The following TENM2 variants were observed in gnomAD, a reference collection of about 807,000 sequenced individuals.
The protein encoded by TENM2 is teneurin transmembrane protein 2.
TENM2 carries 52 observed loss-of-function variants against 245.2 expected under a neutral mutation model. The observed-to-expected ratio is 0.21, with a 90% CI of 0.17 to 0.27. The LOEUF (loss-of-function observed/expected upper bound fraction) is 0.27. Among genes scored for constraint, TENM2 ranks in the 10% least tolerant of loss-of-function variants. TENM2 has a pLI of 1.00. For missense variants in TENM2, 3,046 were observed against 3,666.8 expected (o/e 0.83, Z 4.37); for synonymous variants, 1,363 against 1,438.9 (o/e 0.95, Z 1.19).
chr5:167,857,753 A>C (rs1771224721), intron 2 of TENM2, among the ~76,000 whole-genome samples: 2 of 152,278 alleles, frequency 1.3e-5, no homozygotes, highest in Admixed American at 6.5e-5. Context: ...TACTGCATTA[A>C]AATTATAGAT....
At chr5:167,009,620 G>T in the TENM2 span, among the ~76,000 whole-genome samples, 1 of 152,106 alleles carries the variant, frequency 6.6e-6, no homozygotes, top group African/African-American at 2.4e-5. Flanking sequence ...ATTCCTCAAA[G>T]CTTCTTTGGC....
At chr5:167,817,742 A>G (rs769295561) in intron 2 of TENM2, among the ~76,000 whole-genome samples, 1 of 152,232 alleles carries the variant, frequency 6.6e-6, no homozygotes, top group Non-Finnish European at 1.5e-5. Flanking sequence ...TTTGTCGGAT[A>G]GTGAGATGAA....
At chr5:167,874,350 C>A (rs56221163) in intron 2 of TENM2, among the ~76,000 whole-genome samples, 9,272 of 152,146 alleles carry the variant, frequency 0.061, 395 homozygotes, top group Non-Finnish European at 0.091. Flanking sequence ...CAAATGAACC[C>A]ATAAATAGCA....
chr5:168,216,889 G>T, exon 22 of TENM2: 1 of 1,613,938 alleles, frequency 6.2e-7, no homozygotes, highest in Non-Finnish European at 8.5e-7. Flanking sequence ...CCGTCCGGCC[G>T]CTGAGCTGTG....
chr5:167,480,215 C>T (rs1485913114), intron 2 of TENM2, among the ~76,000 whole-genome samples: 2 of 152,182 alleles, frequency 1.3e-5, no homozygotes, highest in Non-Finnish European at 2.9e-5. Flanking sequence ...CCTGGCACCC[C>T]TCTTAACTGA....
chr5:167,023,644 T>G, the TENM2 span, among the ~76,000 whole-genome samples: 1 of 152,238 alleles, frequency 6.6e-6, no homozygotes, highest in Non-Finnish European at 1.5e-5. Context: ...AATCAGTCAA[T>G]GAATTAAAAT....
At chr5:167,007,621 A>G in the TENM2 span, among the ~76,000 whole-genome samples, 1 of 152,196 alleles carries the variant, frequency 6.6e-6, no homozygotes, top group Non-Finnish European at 1.5e-5. The surrounding 1 kb of genome is among the most constrained non-coding windows in gnomAD (Gnocchi z 4.2). Context: ...ATAATTAAAT[A>G]AAGCTTCTCC....
At chr5:167,730,283 A>C (rs756653561) in intron 2 of TENM2, among the ~76,000 whole-genome samples, 3 of 152,182 alleles carry the variant, frequency 2.0e-5, no homozygotes, top group Non-Finnish European at 4.4e-5. Context: ...AGGTCAGTTG[A>C]GGATGTTGGG....
At chr5:167,834,416 A>C (rs1012440989) in intron 2 of TENM2, among the ~76,000 whole-genome samples, 1 of 152,196 alleles carries the variant, frequency 6.6e-6, no homozygotes, top group African/African-American at 2.4e-5. Flanking sequence ...GACTATTTCA[A>C]AGCAAGCTTA....
At chr5:168,006,993 C>T (rs188849727) in intron 5 of TENM2, among the ~76,000 whole-genome samples, 1 of 152,302 alleles carries the variant, frequency 6.6e-6, no homozygotes, top group Admixed American at 6.5e-5. Context: ...CTCTGCTCAT[C>T]AACAGGCCCA....
chr5:167,160,759 C>T, the TENM2 span, among the ~76,000 whole-genome samples: 10 of 152,284 alleles, frequency 6.6e-5, no homozygotes, highest in East Asian at 1.9e-3. Flanking sequence ...TCTACCTGAC[C>T]CTGAATTACC....
rs1757560378 is a variant in TENM2 at position 167,693,460 on chromosome 5, G to A, written c.503-182526G>A. ...AGATGCATTGGGTTTCCAGAAGAAT[G>A]TTGAACTTGATTCAATTTTAGCTTG... On this transcript the variant is annotated intron_variant, in intron 2 of 28. Transcript: ENST00000518659. Among the ~76,000 whole-genome samples, 3 of 152,134 alleles carry A rather than the reference G, an allele frequency of 2.0e-5. No homozygotes were observed. In the South Asian group the frequency reaches 6.2e-4, roughly 31 times the overall value.
intron 15 of TENM2, among the ~76,000 whole-genome samples, chr5:168,198,031 G>A (rs1055609896): frequency 2.6e-5 from 4 of 152,110 alleles, no homozygotes; most frequent in African/African-American, 9.7e-5. Context: ...CTTTACACGA[G>A]TGGCCAGCAA....
chr5:168,081,316 C>T (rs1408713125), intron 7 of TENM2, among the ~76,000 whole-genome samples: 1 of 152,114 alleles, frequency 6.6e-6, no homozygotes. Flanking sequence ...TATTTTGAGC[C>T]TGTGTGTGTC....
the TENM2 span, among the ~76,000 whole-genome samples, chr5:167,083,311 T>C: frequency 6.6e-6 from 1 of 152,318 alleles, no homozygotes; most frequent in East Asian, 1.9e-4. Context: ...TCTCATCTTA[T>C]GAATCTGTGC....
At chr5:168,022,334 G>C (rs1786224288) in intron 5 of TENM2, among the ~76,000 whole-genome samples, 1 of 152,166 alleles carries the variant, frequency 6.6e-6, no homozygotes, top group African/African-American at 2.4e-5. Context: ...GGGAGAAGTT[G>C]ACAGATTGTG....
At chr5:167,964,909 G>A (rs1781277515) in intron 4 of TENM2, among the ~76,000 whole-genome samples, 2 of 152,302 alleles carry the variant, frequency 1.3e-5, no homozygotes, top group African/African-American at 4.8e-5. Flanking sequence ...TTAAGCAGGA[G>A]AGCAAAATAA....
intron 2 of TENM2, among the ~76,000 whole-genome samples, chr5:167,468,006 G>A (rs962172337): frequency 5.9e-5 from 9 of 152,022 alleles, no homozygotes; most frequent in African/African-American, 1.4e-4. Context: ...GCACGATCTC[G>A]GCTCATTGCA....
chr5:167,529,869 G>A (rs1402074513), intron 2 of TENM2, among the ~76,000 whole-genome samples: 1 of 152,134 alleles, frequency 6.6e-6, no homozygotes, highest in Non-Finnish European at 1.5e-5. Flanking sequence ...TCATACCAAC[G>A]TGTTTGAAGC....
Sources: allele counts gnomAD v4.1 joint callset (sites outside exome capture counted in the v4.1 genomes callset), GRCh38; gene constraint gnomAD v4.1.1; non-coding constraint Gnocchi (gnomAD v3.1); transcripts MANE v1.5; gene names NCBI Gene and HGNC (gene_info 2026-07-23, HGNC 2026-07-21).